The following TMEM132C variants were observed in gnomAD, a reference collection of about 807,000 sequenced individuals.
The protein encoded by TMEM132C is protein phosphatase 1, regulatory subunit 152.
In TMEM132C, 29 loss-of-function variants were observed where a neutral mutation model predicts 61.4. The observed-to-expected ratio is 0.47, with a 90% CI of 0.35 to 0.64. TMEM132C has a LOEUF of 0.64. TMEM132C is among the 30% of genes least tolerant of loss of function. The pLI, the probability that TMEM132C is intolerant of heterozygous loss-of-function variation, is 0.00. For synonymous variants in TMEM132C, 656 were observed against 633.1 expected (o/e 1.04, Z -0.54); for missense variants, 1,408 against 1,476.9 (o/e 0.95, Z 0.76).
At chr12:128,407,282 T>C (rs1183084340) in intron 1 of TMEM132C, among the ~76,000 whole-genome samples, 1 of 152,244 alleles carries the variant, frequency 6.6e-6, no homozygotes, top group East Asian at 1.9e-4. Flanking sequence ...GCTTCTCCTT[T>C]ACCTTCCACC....
chr12:128,430,744 G>C (rs1433873930), intron 2 of TMEM132C, among the ~76,000 whole-genome samples: 2 of 152,116 alleles, frequency 1.3e-5, no homozygotes, highest in Non-Finnish European at 2.9e-5. Flanking sequence ...GGAGATCTGT[G>C]ATAGGTGATC....
chr12:128,297,426 C>T (rs774115670), intron 1 of TMEM132C, among the ~76,000 whole-genome samples: 3 of 152,150 alleles, frequency 2.0e-5, no homozygotes, highest in African/African-American at 2.4e-5. Flanking sequence ...CTTGGTCATG[C>T]GTCTAAGTAA....
intron 1 of TMEM132C, among the ~76,000 whole-genome samples, chr12:128,280,527 G>C (rs566082716): frequency 6.6e-6 from 1 of 152,170 alleles, no homozygotes; most frequent in Non-Finnish European, 1.5e-5. Flanking sequence ...CTTAAATTCA[G>C]TTAACTTAAT....
chr12:128,514,742 A>G (rs895308440), intron 2 of TMEM132C, among the ~76,000 whole-genome samples: 2 of 152,192 alleles, frequency 1.3e-5, no homozygotes, highest in Non-Finnish European at 1.5e-5. Context: ...CTTGACCTTG[A>G]CCACAGATGG....
At chr12:128,700,849 G>A (rs921413225) in intron 8 of TMEM132C, among the ~76,000 whole-genome samples, 1 of 152,208 alleles carries the variant, frequency 6.6e-6, no homozygotes, top group Non-Finnish European at 1.5e-5. Flanking sequence ...CAACATCGCT[G>A]AGCCATCTCT....
intron 2 of TMEM132C, among the ~76,000 whole-genome samples, chr12:128,490,822 A>G (rs1165358641): frequency 6.6e-6 from 1 of 152,224 alleles, no homozygotes; most frequent in Non-Finnish European, 1.5e-5. Flanking sequence ...TAAAGAGAAT[A>G]GTGACTGTCC....
chr12:128,283,240 G>A (rs1448097120), intron 1 of TMEM132C, among the ~76,000 whole-genome samples: 2 of 152,158 alleles, frequency 1.3e-5, no homozygotes, highest in African/African-American at 4.8e-5. Context: ...CAACTTCTGT[G>A]TTGTTCTGAC....
chr12:128,660,482 T>G (rs973906740), intron 4 of TMEM132C, among the ~76,000 whole-genome samples: 8 of 152,318 alleles, frequency 5.3e-5, no homozygotes, highest in African/African-American at 1.9e-4. Flanking sequence ...TAGAAACGCC[T>G]CTTAAGTCCA....
At chr12:128,693,291 C>G (rs1954733318) in intron 5 of TMEM132C, among the ~76,000 whole-genome samples, 1 of 152,178 alleles carries the variant, frequency 6.6e-6, no homozygotes, top group African/African-American at 2.4e-5. Flanking sequence ...AGCTTACTTT[C>G]TGAAAAGACA....
At chr12:128,589,513 A>G (rs1246825581) in intron 3 of TMEM132C, among the ~76,000 whole-genome samples, 1 of 76,740 alleles carries the variant, frequency 1.3e-5, no homozygotes, top group Non-Finnish European at 2.7e-5. Flanking sequence ...CCCTCCCCAC[A>G]GCCCCCCACC....
rs143842197 is a variant in TMEM132C at position 128,640,459 on chromosome 12, C to T, written c.1305+24124C>T. ...CAGAGACAAAAAGGAGCTTAGTGGC[C>T]GCCCAGGGCTGGGAGGGACTGGGGG... On this transcript the variant is annotated intron_variant, in intron 4 of 8. Coordinates refer to ENST00000435159, the MANE Select transcript of TMEM132C (RefSeq NM_001136103.3). Among the ~76,000 whole-genome samples the T allele has an allele frequency of 5.4e-3, 823 of 152,142 alleles. 4 individuals carry two copies. Among genetic ancestry groups the T allele is most frequent in the Non-Finnish European group, 8.5e-3 (581 of 67,996 alleles).
intron 3 of TMEM132C, among the ~76,000 whole-genome samples, chr12:128,601,865 C>T (rs979904735): frequency 1.3e-5 from 2 of 152,056 alleles, no homozygotes; most frequent in African/African-American, 4.8e-5. Flanking sequence ...GGCTCAGAAT[C>T]GTCATTTGAT....
At chr12:128,619,674 A>G (rs1953942033) in intron 4 of TMEM132C, among the ~76,000 whole-genome samples, 1 of 152,154 alleles carries the variant, frequency 6.6e-6, no homozygotes, top group South Asian at 2.1e-4. Context: ...CGCTGTCCCC[A>G]CTGTGCCAGT....
At chr12:128,468,547 G>A (rs1032527389) in intron 2 of TMEM132C, among the ~76,000 whole-genome samples, 3 of 152,098 alleles carry the variant, frequency 2.0e-5, no homozygotes, top group South Asian at 2.1e-4. Context: ...TGGAACTCCC[G>A]ACCTCAGGTG....
chr12:128,700,839 C>T (rs1954798642), intron 8 of TMEM132C, among the ~76,000 whole-genome samples: 1 of 152,180 alleles, frequency 6.6e-6, no homozygotes, highest in Non-Finnish European at 1.5e-5. Flanking sequence ...GGGTGAGCAC[C>T]AACATCGCTG....
At chr12:128,596,381 G>C (rs1875951371) in intron 3 of TMEM132C, among the ~76,000 whole-genome samples, 1 of 149,474 alleles carries the variant, frequency 6.7e-6, no homozygotes, top group Non-Finnish European at 1.5e-5. Context: ...TACAGAGTGG[G>C]CAGGGCTTGA....
rs912826394 is a variant in TMEM132C, at chr12:128,706,096, C to T, written c.3128C>T (p.Pro1043Leu). Residue 1043 changes from proline to leucine, a missense_variant, in exon 9 of 9, where the codon CCC becomes CTC. Pro to Leu is a moderately conservative substitution (Grantham distance 98, BLOSUM62 -3). Coordinates refer to ENST00000435159, the MANE Select transcript of TMEM132C (RefSeq NM_001136103.3). ...CAGGGCAGAGAACAGAAGCAGGACC[C>T]CCTGCACTCGCCCACCTCCAAGAGG... Reference protein sequence around the residue: ...GRQGREQKQDPLHSPTSKRKK... With the variant: ...GRQGREQKQDLLHSPTSKRKK... 7.1e-6 allele frequency: 11 copies of T among 1,551,480 alleles called. 1 individual carries two copies. The Admixed American group carries it at 2.2e-4, about 30-fold the overall frequency.
At chr12:128,401,838 G>A (rs1169608460) in intron 1 of TMEM132C, among the ~76,000 whole-genome samples, 2 of 152,224 alleles carry the variant, frequency 1.3e-5, no homozygotes, top group Admixed American at 6.5e-5. Flanking sequence ...AGAACTGGCT[G>A]TGATCTCTAC....
intron 1 of TMEM132C, among the ~76,000 whole-genome samples, chr12:128,270,886 C>T (rs1426444977): frequency 3.3e-5 from 5 of 152,076 alleles, no homozygotes; most frequent in African/African-American, 7.2e-5. Flanking sequence ...CTAGTGCTTG[C>T]GAACTTCAGG....
Sources: gnomAD v4.1 joint callset for allele counts (sites outside exome capture counted in the v4.1 genomes callset) on GRCh38, gnomAD v4.1.1 for gene constraint, MANE v1.5 for transcripts, NCBI Gene and HGNC (gene_info 2026-07-23, HGNC 2026-07-21) for gene names.